The following RSU1 variants were observed in gnomAD, a reference collection of about 807,000 sequenced individuals.
RSU1 encodes Ras suppressor protein 1, also known as rsu-1.
RSU1 carries 26 observed loss-of-function variants against 31.1 expected under a neutral mutation model. That is an observed-to-expected ratio of 0.84 (90% CI 0.61 to 1.16). The LOEUF (loss-of-function observed/expected upper bound fraction) is 1.16. Ranked by LOEUF, RSU1 falls within the 50% of genes most tolerant of loss-of-function variation. The pLI, the probability that RSU1 is intolerant of heterozygous loss-of-function variation, is 0.00. For synonymous variants in RSU1, 164 were observed against 136.3 expected (o/e 1.20, Z -1.41); for missense variants, 320 against 339.1 (o/e 0.94, Z 0.44).
chr10:16,627,719 T>C (rs112605249), intron 8 of RSU1, among the ~76,000 whole-genome samples: 4 of 145,190 alleles, frequency 2.8e-5, no homozygotes, highest in African/African-American at 1.1e-4. Context: ...ATTGCGCCAT[T>C]GCCCTCCGGC....
chr10:16,742,975 T>C (rs1251741375), intron 7 of RSU1, among the ~76,000 whole-genome samples: 1 of 152,196 alleles, frequency 6.6e-6, no homozygotes, highest in Non-Finnish European at 1.5e-5. Flanking sequence ...TTAAAAAATA[T>C]CATGTAGGAG....
intron 8 of RSU1, among the ~76,000 whole-genome samples, chr10:16,677,922 T>C (rs1478521376): frequency 6.6e-6 from 1 of 150,616 alleles, no homozygotes; most frequent in Non-Finnish European, 1.5e-5. Context: ...AACATGCTCA[T>C]AATCCCACAT....
chr10:16,799,509 CAACAACAACAACAACAAA>C (rs1214917953), intron 2 of RSU1, among the ~76,000 whole-genome samples: 2 of 147,448 alleles, frequency 1.4e-5, no homozygotes, highest in Non-Finnish European at 3.0e-5. Context: ...AGATTAAAAA[CAACAACAACAACAACAAA>C]AACAACAACA....
intron 7 of RSU1, among the ~76,000 whole-genome samples, chr10:16,719,165 G>C (rs183583264): frequency 4.6e-5 from 7 of 151,880 alleles, no homozygotes; most frequent in Non-Finnish European, 1.0e-4. Flanking sequence ...AAAATTCGCC[G>C]AGTGTGGTGG....
At chr10:16,683,068 T>G (rs1227942737) in intron 8 of RSU1, among the ~76,000 whole-genome samples, 5 of 152,170 alleles carry the variant, frequency 3.3e-5, no homozygotes, top group Non-Finnish European at 5.9e-5. Context: ...CAGACCCCTC[T>G]GCCATTCCTT....
intron 8 of RSU1, among the ~76,000 whole-genome samples, chr10:16,608,683 T>A (rs1216438398): frequency 6.6e-6 from 1 of 152,032 alleles, no homozygotes; most frequent in African/African-American, 2.4e-5. Flanking sequence ...CTCCGAGAGC[T>A]CAACAGGAGA....
At chr10:16,753,865 T>C (rs1423201451) in intron 5 of RSU1, among the ~76,000 whole-genome samples, 1 of 152,132 alleles carries the variant, frequency 6.6e-6, no homozygotes, top group African/African-American at 2.4e-5. Flanking sequence ...TCAAGCACTC[T>C]TTCTACCTCA....
In RSU1 at chr10:16,689,801, G is replaced by A. The variant is rs187150693; in HGVS notation, c.731+5222C>T. Reference sequence around the variant, plus strand: ...ACACAAATGAGTGGGGAACTTTTCCGGAGAGAGAAAAGAAAGGTGAAAAAG... The same window carrying A: ...ACACAAATGAGTGGGGAACTTTTCCAGAGAGAGAAAAGAAAGGTGAAAAAG... On this transcript the variant is annotated intron_variant, in intron 8 of 8. Coordinates refer to ENST00000345264, the MANE Select transcript of RSU1 (RefSeq NM_012425.4). Among the ~76,000 whole-genome samples the A allele has an allele frequency of 2.0e-5, 3 of 152,278 alleles. No homozygotes were observed. The East Asian group carries it at 5.8e-4, about 29-fold the overall frequency.
At position 16,592,624 on chromosome 10, in the gene RSU1, C is replaced by T. The variant is rs1253334011; in HGVS notation, c.*770G>A. ...TCTACCAGCCCCTGGCAGAAATCAC[C>T]ATTTCTTCGGCGAAGGAATGCTACT... On this transcript the variant is annotated 3_prime_UTR_variant, in exon 9 of 9. Coordinates refer to ENST00000345264, the MANE Select transcript of RSU1 (RefSeq NM_012425.4). The T allele has an allele frequency of 6.6e-6, 1 of 152,134 alleles. No individual in the cohort carries two copies. The highest frequency in any genetic ancestry group is 2.4e-5 in the African/African-American group (1 of 41,390). 9.4% of individuals were successfully genotyped at this position (152,134 alleles called of 1,614,324 possible).
At chr10:16,599,369 C>T (rs771281754) in intron 8 of RSU1, among the ~76,000 whole-genome samples, 1 of 152,188 alleles carries the variant, frequency 6.6e-6, no homozygotes, top group Non-Finnish European at 1.5e-5. Context: ...CAAACCCGGG[C>T]ACCACTGTCC....
At chr10:16,735,172 G>T (rs1328899864) in intron 7 of RSU1, among the ~76,000 whole-genome samples, 1 of 152,192 alleles carries the variant, frequency 6.6e-6, no homozygotes, top group Non-Finnish European at 1.5e-5. Context: ...GGCTATAATA[G>T]TGCATTAACA....
chr10:16,683,613 A>T (rs1445468153), intron 8 of RSU1, among the ~76,000 whole-genome samples: 3 of 152,186 alleles, frequency 2.0e-5, no homozygotes, highest in African/African-American at 7.2e-5. Context: ...TTGAAGTCCT[A>T]ACCTCCTAAC....
At chr10:16,798,253 A>G (rs542287267) in intron 2 of RSU1, among the ~76,000 whole-genome samples, 1 of 152,318 alleles carries the variant, frequency 6.6e-6, no homozygotes, top group South Asian at 2.1e-4. Flanking sequence ...AGAAAACCAT[A>G]AAGAACATAA....
chr10:16,657,264 T>C (rs1259965584), intron 8 of RSU1, among the ~76,000 whole-genome samples: 2 of 152,210 alleles, frequency 1.3e-5, no homozygotes, highest in African/African-American at 4.8e-5. Context: ...CCTAAGATGG[T>C]AACTCCTAGT....
chr10:16,781,122 AC>A (rs1415623361), intron 3 of RSU1, among the ~76,000 whole-genome samples: 9 of 152,212 alleles, frequency 5.9e-5, no homozygotes, highest in African/African-American at 2.2e-4. Context: ...AAGCTCCTTC[AC>A]AAATTCTTGC....
intron 2 of RSU1, among the ~76,000 whole-genome samples, chr10:16,787,498 T>C (rs1837815892): frequency 6.6e-6 from 1 of 152,134 alleles, no homozygotes. Context: ...TGTTTTCCTG[T>C]CCCACTGATA....
intron 2 of RSU1, among the ~76,000 whole-genome samples, chr10:16,806,050 A>C (rs531312676): frequency 1.3e-4 from 20 of 152,276 alleles, no homozygotes; most frequent in African/African-American, 4.8e-4. Context: ...AAATCTGTCA[A>C]CTTGTACTGT....
intron 8 of RSU1, among the ~76,000 whole-genome samples, chr10:16,662,059 C>T (rs1295858782): frequency 6.6e-6 from 1 of 152,142 alleles, no homozygotes; most frequent in Non-Finnish European, 1.5e-5. Flanking sequence ...GCATTTTTCC[C>T]TTTTTGCAAG....
chr10:16,817,109 G>A (rs1838555166), intron 1 of RSU1, 25 bp from the exon 2 acceptor site: 2 of 1,518,596 alleles, frequency 1.3e-6, no homozygotes, highest in Non-Finnish European at 1.8e-6. Context: ...AACAAAGCAC[G>A]TGGGCGATGA....
Sources: gnomAD v4.1 joint callset for allele counts (sites outside exome capture counted in the v4.1 genomes callset) on GRCh38, gnomAD v4.1.1 for gene constraint, MANE v1.5 for transcripts, NCBI Gene and HGNC (gene_info 2026-07-23, HGNC 2026-07-21) for gene names.